Variants in LRP1 observed in about 807,000 individuals in gnomAD.
The protein encoded by LRP1 is prolow-density lipoprotein receptor-related protein 1.
LRP1 carries 51 observed loss-of-function variants against 541.5 expected under a neutral mutation model. That is an observed-to-expected ratio of 0.09 (90% CI 0.08 to 0.12). The LOEUF is 0.12. LRP1 is among the 10% of genes least tolerant of loss of function. The probability of loss-of-function intolerance (pLI) is 1.00; values close to 1 mark genes in which losing one functional copy is unlikely to be tolerated. For synonymous variants in LRP1, 2,219 were observed against 2,470.8 expected, an observed-to-expected ratio of 0.90 and a Z score of 3.02; for missense variants, 3,878 against 6,376.2, an observed-to-expected ratio of 0.61 and a Z score of 13.34.
chr12:57,167,346 G>T, intron 18 of LRP1, 98 bp from the exon 19 acceptor site: 3 of 905,530 alleles, frequency 3.3e-6, no homozygotes, highest in Non-Finnish European at 5.5e-6. Context: ...CTGGGCTAAG[G>T]GCTGCTGGTT....
intron 2 of LRP1, 61 bp from the exon 3 acceptor site, chr12:57,141,313 C>G: frequency 6.2e-7 from 1 of 1,603,652 alleles, no homozygotes; most frequent in Non-Finnish European, 8.5e-7. Context: ...CCCCAGTGAA[C>G]AGCTGACCAG....
chr12:57,199,129 G>A (rs1267266583), intron 60 of LRP1, 83 bp from the exon 61 acceptor site: 41 of 1,303,098 alleles, frequency 3.1e-5, no homozygotes, highest in Middle Eastern at 1.9e-4. Flanking sequence ...CAGGGTGGTG[G>A]TAGGGCTTGA....
intron 4 of LRP1, chr12:57,144,475 G>A (rs536714067): frequency 1.1e-4 from 18 of 157,258 alleles, no homozygotes; most frequent in Non-Finnish European, 2.1e-4. Flanking sequence ...CCTCCCTCGG[G>A]TCTTTGTGCA....
rs2136709337 is a variant in LRP1, at chr12:57,183,969, AGAG to A, written c.5929+67_5929+69del. On this transcript the variant is annotated intron_variant, in intron 36 of 88. Coordinates refer to ENST00000243077, the MANE Select transcript of LRP1 (RefSeq NM_002332.3). This position sits in a 1 kb window ranked among gnomAD's most constrained non-coding sequence, Gnocchi z 6.1. ...TGGCAGAGGACTGGGGGACGAAGTGAGAGGAGGAGTTGGCGGGAGCAGGAAGAG... is the reference window on the plus strand; with the variant it reads ...TGGCAGAGGACTGGGGGACGAAGTGAGAGGAGTTGGCGGGAGCAGGAAGAG... 3.7e-6 allele frequency: 6 copies of A among 1,609,788 alleles called. No individual in the cohort carries two copies. Among genetic ancestry groups the A allele is most frequent in the East Asian group, 4.5e-5 (2 of 44,802 alleles).
Position 57,163,084 on chromosome 12 carries a change from G to A in LRP1, c.2530+101G>A, listed in dbSNP as rs534010926. Reference sequence around the variant, plus strand: ...TCCAGGGTCCCAGTCAGAGATTAAGGAGGCAATGAGGGGCCCTTAGGGGGC... The same window carrying A: ...TCCAGGGTCCCAGTCAGAGATTAAGAAGGCAATGAGGGGCCCTTAGGGGGC... On this transcript the variant is annotated intron_variant, in intron 15 of 88. Transcript: ENST00000243077. 2.8e-5 allele frequency: 41 copies of A among 1,447,508 alleles called. No individual in the cohort carries two copies. In the South Asian group the frequency reaches 5.3e-4, roughly 19 times the overall value. The allele number at this position is 1,447,508 out of a possible 1,614,324, so 89.7% of individuals were successfully genotyped here.
Position 57,141,531 on chromosome 12 carries a change from C to T in LRP1, c.328+20C>T. On this transcript the variant is annotated intron_variant, in intron 3 of 88. Coordinates refer to ENST00000243077, the MANE Select transcript of LRP1 (RefSeq NM_002332.3). Reference sequence around the variant, plus strand: ...GCCGAGGTAAGGACTTTTCCACTCTCTACTCTCCCGTCTGGATGCAGCATA... The same window carrying T: ...GCCGAGGTAAGGACTTTTCCACTCTTTACTCTCCCGTCTGGATGCAGCATA... 1 of 1,614,106 alleles carries T rather than the reference C, an allele frequency of 6.2e-7. No individual in the cohort carries two copies. Among genetic ancestry groups the T allele is most frequent in the Non-Finnish European group, 8.5e-7 (1 of 1,179,978 alleles).
rs376665648 is a variant in LRP1, at chr12:57,204,379, C to T, written c.10952-31C>T. The T allele has an allele frequency of 4.6e-6, 7 of 1,510,740 alleles. No individual in the cohort carries two copies. The highest frequency in any genetic ancestry group is 1.4e-5 in the African/African-American group (1 of 71,634). The allele number at this position is 1,510,740 out of a possible 1,614,324, so 93.6% of individuals were successfully genotyped here. A position where few individuals can be genotyped will look rare whatever the true frequency, so the allele number is the denominator to read the frequency against. ...CAGGGGTCTGGGTGGGCTCATGGCT[C>T]ATTCTATCTCTTGGCTCCCCCTGGC... On this transcript the variant is annotated intron_variant, in intron 70 of 88. Transcript: ENST00000243077. The surrounding 1 kb of genome is among the most constrained non-coding windows in gnomAD (Gnocchi z 5.3).
chr12:57,211,119 A>G lies in LRP1; in HGVS notation c.12917-57A>G. 1 of 1,573,554 alleles carries G rather than the reference A, an allele frequency of 6.4e-7. No homozygotes were observed. The highest frequency in any genetic ancestry group is 8.7e-7 in the Non-Finnish European group (1 of 1,147,930). ...CAAACAGAAAAGCTCTGTTCAACCT[A>G]TGGAGAGCCCTCATGAGGGTGGGGC... is the stretch of plus-strand genomic sequence containing the variant. On this transcript the variant is annotated intron_variant, in intron 83 of 88. Transcript: ENST00000243077. The surrounding 1 kb of genome is among the most constrained non-coding windows in gnomAD (Gnocchi z 4.3).
Position 57,200,826 on chromosome 12 carries a change from G to GCCTCC in LRP1, c.10225+13_10225+14insTCCCC. Reference sequence around the variant, plus strand: ...ACGAGGCCAACTGTGGTAAGGCGCTGCCCGCCCACCCTCCCTCCTTCCCCA... The same window carrying GCCTCC: ...ACGAGGCCAACTGTGGTAAGGCGCTGCCTCCCCCGCCCACCCTCCCTCCTTCCCCA... On this transcript the variant is annotated intron_variant, in intron 64 of 88. Transcript: ENST00000243077. 1 of 1,581,438 alleles carries GCCTCC rather than the reference G, an allele frequency of 6.3e-7. No individual in the cohort carries two copies. Among genetic ancestry groups the GCCTCC allele is most frequent in the South Asian group, 1.1e-5 (1 of 90,000 alleles).
intron 42 of LRP1, among the ~76,000 whole-genome samples, chr12:57,190,148 C>T (rs1407265243): frequency 6.6e-6 from 1 of 152,260 alleles, no homozygotes; most frequent in East Asian, 1.9e-4. Flanking sequence ...ATGCAAAGGC[C>T]TCAAAGTACG....
At chr12:57,207,321 AT>A (rs58703727) in intron 76 of LRP1, among the ~76,000 whole-genome samples, 9 of 105,038 alleles carry the variant, frequency 8.6e-5, no homozygotes, top group South Asian at 5.4e-4. Context: ...AAATAAATAA[AT>A]AAAATAAAAT....
Position 57,157,004 on chromosome 12 carries a change from G to T in LRP1, c.1561+84G>T. On this transcript the variant is annotated intron_variant, in intron 10 of 88. Transcript: ENST00000243077. Reference sequence around the variant, plus strand: ...TGTCCCCCACAGCCCGGCTGCCTCTGTCTGACATGCAGGGAGATGAAGGAA... The same window carrying T: ...TGTCCCCCACAGCCCGGCTGCCTCTTTCTGACATGCAGGGAGATGAAGGAA... 4.2e-6 allele frequency: 6 copies of T among 1,435,010 alleles called. No homozygotes were observed. The South Asian group carries it at 8.7e-5, about 21-fold the overall frequency. The allele number at this position is 1,435,010 out of a possible 1,614,324, so 88.9% of individuals were successfully genotyped here. A position where few individuals can be genotyped will look rare whatever the true frequency, so the allele number is the denominator to read the frequency against.
In LRP1 at chr12:57,173,695, T is replaced by G; in HGVS notation, c.3347-85T>G. On this transcript the variant is annotated intron_variant, in intron 21 of 88. Coordinates refer to ENST00000243077, the MANE Select transcript of LRP1 (RefSeq NM_002332.3). The surrounding 1 kb of genome is among the most constrained non-coding windows in gnomAD (Gnocchi z 4.7). ...CACAGCGTTGCAATCCTGACCCTAT[T>G]AGAGAAGCCCACAGGGTCTGGAAGG... 3.5e-6 allele frequency: 5 copies of G among 1,425,754 alleles called. No individual in the cohort carries two copies. The highest frequency in any genetic ancestry group is 4.0e-6 in the Non-Finnish European group (4 of 1,012,430). The allele number at this position is 1,425,754 out of a possible 1,614,324, so 88.3% of individuals were successfully genotyped here.
chr12:57,210,055 T>C lies in LRP1; in HGVS notation c.12466T>C (p.Cys4156Arg). The C allele has an allele frequency of 6.2e-7, 1 of 1,612,340 alleles. No individual in the cohort carries two copies. ...EVTNPCDRKK[C>R]EWLCLLSPSG... ...GACCAACCCATGTGACCGCAAGAAATGCGAGTGGCTCTGCCTGCTGAGCCC... is the reference window on the plus strand; with the variant it reads ...GACCAACCCATGTGACCGCAAGAAACGCGAGTGGCTCTGCCTGCTGAGCCC... Residue 4156 changes from cysteine (C) to arginine (R), a missense_variant, in exon 81 of 89, where the codon TGC becomes CGC. Coordinates refer to ENST00000243077, the MANE Select transcript of LRP1 (RefSeq NM_002332.3).
chr12:57,160,484 C>T (rs1294744154), intron 12 of LRP1, among the ~76,000 whole-genome samples: 1 of 152,156 alleles, frequency 6.6e-6, no homozygotes, highest in Non-Finnish European at 1.5e-5. Context: ...CATCAAGTCT[C>T]ACTCATGCCA....
chr12:57,170,870 C>T (rs2035932325), intron 20 of LRP1, among the ~76,000 whole-genome samples: 1 of 152,152 alleles, frequency 6.6e-6, no homozygotes, highest in Non-Finnish European at 1.5e-5. Flanking sequence ...CTGCAGGCCT[C>T]ATCTGACCCA....
Position 57,173,390 on chromosome 12 carries a change from G to C in LRP1, c.3346+40G>C, listed in dbSNP as rs774347679. 6.3e-7 allele frequency: 1 copy of C among 1,594,460 alleles called. No homozygotes were observed. Reference sequence around the variant, plus strand: ...TGGAGGGCGTCTGGAACAGCACAATGTGGGCAGGAGGAGACCGTGTTGAGA... The same window carrying C: ...TGGAGGGCGTCTGGAACAGCACAATCTGGGCAGGAGGAGACCGTGTTGAGA... On this transcript the variant is annotated intron_variant, in intron 21 of 88. Transcript: ENST00000243077. The surrounding 1 kb of genome is among the most constrained non-coding windows in gnomAD (Gnocchi z 4.7).
intron 3 of LRP1, among the ~76,000 whole-genome samples, chr12:57,142,704 C>G (rs558866252): frequency 6.6e-6 from 1 of 152,258 alleles, no homozygotes; most frequent in South Asian, 2.1e-4. Flanking sequence ...TCCTCATTCC[C>G]TCACCCTATA....
rs1390489518 is a variant in LRP1, at chr12:57,205,535, A to C, written c.11471-23A>C. On this transcript the variant is annotated intron_variant, in intron 74 of 88. Transcript: ENST00000243077. The surrounding 1 kb of genome is among the most constrained non-coding windows in gnomAD (Gnocchi z 4.6). ...GTGGACACCCCAACTGTGGACTCTC[A>C]TGACCCTCCCTGTAACCCTTAGACA... The C allele has an allele frequency of 3.7e-6, 6 of 1,613,928 alleles. No individual in the cohort carries two copies. The highest frequency in any genetic ancestry group is 5.1e-6 in the Non-Finnish European group (6 of 1,179,972).
Sources: allele counts gnomAD v4.1 joint callset (sites outside exome capture counted in the v4.1 genomes callset), GRCh38; gene constraint gnomAD v4.1.1; non-coding constraint Gnocchi (gnomAD v3.1); transcripts MANE v1.5; gene names NCBI Gene and HGNC (gene_info 2026-07-23, HGNC 2026-07-21).